AKAP6: variants seen among roughly 807,000 people sequenced by gnomAD.
The protein encoded by AKAP6 is A-kinase anchor protein 6.
In AKAP6, 58 loss-of-function variants were observed where a neutral mutation model predicts 188.5. The ratio of observed to expected loss-of-function variants is 0.31; its 90% CI spans 0.25 to 0.38. The LOEUF (loss-of-function observed/expected upper bound fraction) is 0.38. Ranked by LOEUF, AKAP6 falls within the 10% of genes least tolerant of loss-of-function variation. The pLI, the probability that AKAP6 is intolerant of heterozygous loss-of-function variation, is 1.00. For missense variants in AKAP6, 2,710 were observed against 2,740.0 expected (o/e 0.99, Z 0.24); for synonymous variants, 989 against 998.6 (o/e 0.99, Z 0.18).
chr14:32,531,649 C>G (rs1882421811), intron 2 of AKAP6, among the ~76,000 whole-genome samples: 1 of 152,144 alleles, frequency 6.6e-6, no homozygotes, highest in Admixed American at 6.5e-5. Context: ...TCATGCCCTC[C>G]CCATCCCCAG....
intron 13 of AKAP6, among the ~76,000 whole-genome samples, chr14:32,827,716 G>A (rs2034709285): frequency 6.6e-6 from 1 of 152,198 alleles, no homozygotes; most frequent in South Asian, 2.1e-4. Flanking sequence ...AGCACATAAT[G>A]TATGTCTGGA....
chr14:32,348,898 T>G (rs1887166254), intron 1 of AKAP6, among the ~76,000 whole-genome samples: 1 of 152,216 alleles, frequency 6.6e-6, no homozygotes, highest in South Asian at 2.1e-4. Flanking sequence ...GAGGCCAGCC[T>G]GTGAGTCCCA....
intron 1 of AKAP6, among the ~76,000 whole-genome samples, chr14:32,398,371 C>A (rs1307112521): frequency 6.6e-6 from 1 of 152,186 alleles, no homozygotes; most frequent in East Asian, 1.9e-4. Flanking sequence ...CAGGGTCAGA[C>A]AAGGGCTTCT....
intron 7 of AKAP6, among the ~76,000 whole-genome samples, chr14:32,668,101 T>A (rs1889027358): frequency 6.6e-6 from 1 of 152,098 alleles, no homozygotes; most frequent in South Asian, 2.1e-4. Context: ...AAACAGAGGA[T>A]GCCTATGTCA....
At chr14:32,773,277 T>C (rs1395221847) in intron 11 of AKAP6, among the ~76,000 whole-genome samples, 2 of 152,196 alleles carry the variant, frequency 1.3e-5, no homozygotes, top group African/African-American at 2.4e-5. Context: ...TAGGAGTAAA[T>C]TTGGAAAAAT....
chr14:32,795,630 G>A (rs778297699), intron 12 of AKAP6, among the ~76,000 whole-genome samples: 2 of 152,076 alleles, frequency 1.3e-5, no homozygotes, highest in Non-Finnish European at 2.9e-5. Flanking sequence ...AGGTATTAAA[G>A]GAACATACCT....
chr14:32,636,504 A>C (rs1360085712), intron 7 of AKAP6, among the ~76,000 whole-genome samples: 1 of 152,016 alleles, frequency 6.6e-6, no homozygotes, highest in African/African-American at 2.4e-5. Flanking sequence ...CAAAGATGGG[A>C]AAGTTCCTGC....
At chr14:32,769,641 A>G (rs964639435) in intron 11 of AKAP6, among the ~76,000 whole-genome samples, 23 of 151,786 alleles carry the variant, frequency 1.5e-4, no homozygotes, top group Admixed American at 2.0e-4. Context: ...TCAACCTACA[A>G]AGTTAAATTA....
At chr14:32,465,794 G>C (rs1488642706) in intron 2 of AKAP6, among the ~76,000 whole-genome samples, 1 of 152,040 alleles carries the variant, frequency 6.6e-6, no homozygotes, top group Non-Finnish European at 1.5e-5. Flanking sequence ...ATGAACAGGC[G>C]ACCTAAGAAT....
intron 1 of AKAP6, among the ~76,000 whole-genome samples, chr14:32,410,872 T>C (rs1040760925): frequency 2.6e-5 from 4 of 152,214 alleles, no homozygotes; most frequent in Admixed American, 6.5e-5. Flanking sequence ...AAAATAATCT[T>C]AGTTGAAAAC....
At chr14:32,793,468 A>G (rs899973925) in intron 12 of AKAP6, among the ~76,000 whole-genome samples, 1 of 152,138 alleles carries the variant, frequency 6.6e-6, no homozygotes, top group Non-Finnish European at 1.5e-5. Flanking sequence ...TCAATAAAAA[A>G]AAGCTAACTA....
At chr14:32,710,458 T>C (rs557648879) in intron 9 of AKAP6, among the ~76,000 whole-genome samples, 6 of 152,042 alleles carry the variant, frequency 3.9e-5, no homozygotes, top group African/African-American at 1.4e-4. Context: ...ATAAAAGAAG[T>C]GATGGAGAAA....
intron 1 of AKAP6, among the ~76,000 whole-genome samples, chr14:32,430,949 A>G (rs958227765): frequency 3.9e-5 from 6 of 152,098 alleles, no homozygotes; most frequent in Admixed American, 1.3e-4. Flanking sequence ...TACTAAAAAA[A>G]GTACAATTAG....
intron 12 of AKAP6, among the ~76,000 whole-genome samples, chr14:32,809,608 A>G (rs2034172190): frequency 6.6e-6 from 1 of 152,342 alleles, no homozygotes; most frequent in African/African-American, 2.4e-5. Flanking sequence ...CAGGCAACGT[A>G]ATAAATGAGT....
At chr14:32,798,004 A>G (rs1303228147) in intron 12 of AKAP6, among the ~76,000 whole-genome samples, 3 of 152,122 alleles carry the variant, frequency 2.0e-5, no homozygotes, top group Non-Finnish European at 1.5e-5. Flanking sequence ...CATGTGACAA[A>G]GGTCTAATAT....
chr14:32,466,249 T>A (rs925959598), intron 2 of AKAP6, among the ~76,000 whole-genome samples: 4 of 152,226 alleles, frequency 2.6e-5, no homozygotes, highest in Admixed American at 1.3e-4. Context: ...GGATTATAAA[T>A]CATTCTTGTA....
chr14:32,829,851 C>A lies in AKAP6; in HGVS notation c.*46C>A, dbSNP rs146131670. ...GTCACTTTTTTGTTTCTTGTAGATACGCCTGGCTGCAACTCAGGGGTGGCC... is the reference window on the plus strand; with the variant it reads ...GTCACTTTTTTGTTTCTTGTAGATAAGCCTGGCTGCAACTCAGGGGTGGCC... On this transcript the variant is annotated 3_prime_UTR_variant, in exon 14 of 14. Coordinates refer to ENST00000280979, the MANE Select transcript of AKAP6 (RefSeq NM_004274.5). 1.4e-4 allele frequency: 96 copies of A among 699,848 alleles called. No individual in the cohort carries two copies. The African/African-American group carries it at 1.5e-3, about 11-fold the overall frequency. 43.4% of individuals were successfully genotyped at this position (699,848 alleles called of 1,614,324 possible). A position where few individuals can be genotyped will look rare whatever the true frequency, so the allele number is the denominator to read the frequency against.
chr14:32,333,386 A>G (rs1730475769), intron 1 of AKAP6, among the ~76,000 whole-genome samples: 1 of 152,182 alleles, frequency 6.6e-6, no homozygotes, highest in Admixed American at 6.5e-5. Flanking sequence ...AATATCTCCT[A>G]TATGCCAGGC....
At chr14:32,611,362 G>A (rs1267907890) in intron 7 of AKAP6, among the ~76,000 whole-genome samples, 1 of 152,156 alleles carries the variant, frequency 6.6e-6, no homozygotes, top group Non-Finnish European at 1.5e-5. Context: ...ACCTCCCCAG[G>A]TGATTCTAAA....
Sources: gnomAD v4.1 joint callset for allele counts (sites outside exome capture counted in the v4.1 genomes callset) on GRCh38, gnomAD v4.1.1 for gene constraint, MANE v1.5 for transcripts, NCBI Gene and HGNC (gene_info 2026-07-23, HGNC 2026-07-21) for gene names.